The following MNS1 variants were observed in gnomAD, a reference collection of about 807,000 sequenced individuals.
MNS1 encodes meiosis specific nuclear structural 1, also known as meiosis-specific nuclear structural protein 1.
A neutral mutation model predicts 72.0 loss-of-function variants in MNS1; 63 were observed. The observed-to-expected ratio is 0.87, with a 90% CI of 0.71 to 1.08. The LOEUF (loss-of-function observed/expected upper bound fraction) is 1.08, where lower values mean the gene tolerates loss of function less well. Ranked by LOEUF, MNS1 falls within the 50% of genes least tolerant of loss-of-function variation. The pLI is 0.00. For missense variants in MNS1, 604 were observed against 562.4 expected, an observed-to-expected ratio of 1.07 and a Z score of -0.75; for synonymous variants, 188 against 172.1, an observed-to-expected ratio of 1.09 and a Z score of -0.72.
intron 4 of MNS1, among the ~76,000 whole-genome samples, chr15:56,445,009 C>T (rs1373835721): frequency 6.6e-6 from 1 of 151,986 alleles, no homozygotes; most frequent in Non-Finnish European, 1.5e-5. Flanking sequence ...TCTTATTATT[C>T]TATTTATAAA....
In MNS1 at chr15:56,456,535, T is replaced by A; in HGVS notation, c.226-14A>T. Reference sequence around the variant, plus strand: ...GTTTTCTTCTGCCTGAACGAAAAATTTAACTTCGTTGTTTGTCCTCTAGAA... The same window carrying A: ...GTTTTCTTCTGCCTGAACGAAAAATATAACTTCGTTGTTTGTCCTCTAGAA... On this transcript the variant is annotated splice_polypyrimidine_tract_variant and intron_variant, in intron 2 of 9. Transcript: ENST00000260453. 1 of 1,605,356 alleles carries A rather than the reference T, an allele frequency of 6.2e-7. No individual in the cohort carries two copies. The highest frequency in any genetic ancestry group is 1.3e-5 in the African/African-American group (1 of 74,342).
chr15:56,457,829 C>T (rs1229272121), intron 2 of MNS1, among the ~76,000 whole-genome samples: 1 of 149,726 alleles, frequency 6.7e-6, no homozygotes, highest in East Asian at 1.9e-4. Context: ...AAAAAAAAAG[C>T]CTCCATGCAA....
At chr15:56,460,819 AG>A (rs1357612747) in intron 2 of MNS1, among the ~76,000 whole-genome samples, 2 of 152,192 alleles carry the variant, frequency 1.3e-5, no homozygotes. Context: ...GGCTGATTCC[AG>A]GTGTAGGACA....
intron 3 of MNS1, among the ~76,000 whole-genome samples, chr15:56,448,027 G>A (rs905183193): frequency 2.6e-5 from 4 of 151,894 alleles, no homozygotes; most frequent in Admixed American, 1.3e-4. Context: ...ATATCCACTC[G>A]CATTGCTTAT....
chr15:56,439,184 C>G (rs549950411), intron 7 of MNS1, among the ~76,000 whole-genome samples: 1 of 152,064 alleles, frequency 6.6e-6, no homozygotes, highest in Non-Finnish European at 1.5e-5. Context: ...TTTACGATTG[C>G]TCAAAAAATG....
intron 3 of MNS1, among the ~76,000 whole-genome samples, chr15:56,455,191 T>C (rs1450568238): frequency 1.3e-5 from 2 of 150,908 alleles, no homozygotes; most frequent in African/African-American, 4.9e-5. Context: ...GAAAATCTCT[T>C]CTATTTAATT....
chr15:56,444,311 T>G (rs1013444155), intron 5 of MNS1, 133 bp downstream of exon 5: 7 of 685,850 alleles, frequency 1.0e-5, no homozygotes, highest in Non-Finnish European at 1.7e-5. Context: ...CCAATTTATG[T>G]TTTCATAGCT....
At chr15:56,435,214 T>C (rs2140332974) in intron 7 of MNS1, among the ~76,000 whole-genome samples, 1 of 152,086 alleles carries the variant, frequency 6.6e-6, no homozygotes, top group Non-Finnish European at 1.5e-5. Context: ...ACTAAATGCA[T>C]GTATGTAGGA....
intron 7 of MNS1, among the ~76,000 whole-genome samples, chr15:56,439,516 G>A (rs2140346146): frequency 6.6e-6 from 1 of 152,026 alleles, no homozygotes; most frequent in African/African-American, 2.4e-5. Context: ...TGGAGGGATG[G>A]ATACATAGAC....
intron 5 of MNS1, 84 bp downstream of exon 5, chr15:56,444,360 C>G (rs576538398): frequency 8.6e-6 from 10 of 1,166,160 alleles, no homozygotes; most frequent in Admixed American, 2.5e-5. Context: ...AGGCACTGTT[C>G]TAGGTGCTTC....
chr15:56,457,411 C>G (rs2050988351), intron 2 of MNS1, among the ~76,000 whole-genome samples: 2 of 152,116 alleles, frequency 1.3e-5, no homozygotes, highest in Non-Finnish European at 1.5e-5. Context: ...ATTGGAATGG[C>G]TAAAACAAAA....
At chr15:56,458,538 A>G (rs943786568) in intron 2 of MNS1, among the ~76,000 whole-genome samples, 3 of 150,322 alleles carry the variant, frequency 2.0e-5, no homozygotes, top group Non-Finnish European at 4.4e-5. Context: ...GGTTTTGGCA[A>G]TGCATAATCA....
chr15:56,460,009 A>ATAC (rs1555449667), intron 2 of MNS1, among the ~76,000 whole-genome samples: 50 of 26,386 alleles, frequency 1.9e-3, no homozygotes, highest in South Asian at 3.0e-3. Context: ...AAAAAAAAAA[A>ATAC]ATACATATAT....
intron 2 of MNS1, 44 bp from the exon 3 acceptor site, chr15:56,456,565 A>AT: frequency 1.3e-6 from 2 of 1,584,708 alleles, no homozygotes; most frequent in South Asian, 2.4e-5. Context: ...CTAGAATCAG[A>AT]TTTTTTTCAT....
At chr15:56,459,442 A>T (rs978496941) in intron 2 of MNS1, among the ~76,000 whole-genome samples, 1 of 152,146 alleles carries the variant, frequency 6.6e-6, no homozygotes, top group Non-Finnish European at 1.5e-5. Context: ...TTTTATGTAG[A>T]TATATGCCTT....
Position 56,460,009 on chromosome 15 carries a change from A to AAAAAAAATATATATATAT in MNS1, c.226-3489_226-3488insATATATATATATTTTTTT. 1.1e-4 allele frequency among the ~76,000 whole-genome samples: 3 copies of AAAAAAAATATATATATAT among 26,386 alleles called. 1 individual carries two copies. Among genetic ancestry groups the AAAAAAAATATATATATAT allele is most frequent in the Non-Finnish European group, 2.1e-4 (3 of 14,308 alleles). The allele number at this position is 26,386 out of a possible 152,430, so 17.3% of individuals were successfully genotyped here. ...CTGTCTCAAAAAAAAAAAAAAAAAA[A>AAAAAAAATATATATATAT]ATACATATATATATATATATATATA... On this transcript the variant is annotated intron_variant, in intron 2 of 9. Transcript: ENST00000260453.
chr15:56,445,129 C>A (rs1466624170), intron 4 of MNS1, among the ~76,000 whole-genome samples: 2 of 151,980 alleles, frequency 1.3e-5, no homozygotes, highest in Non-Finnish European at 2.9e-5. Context: ...TTGAGCAGCT[C>A]TTAAGTTTCT....
intron 3 of MNS1, 46 bp from the exon 4 acceptor site, chr15:56,446,989 G>T: frequency 7.5e-7 from 1 of 1,336,098 alleles, no homozygotes; most frequent in Non-Finnish European, 1.1e-6. Context: ...GACCATAAGA[G>T]AATGAAAACC....
At chr15:56,432,837 T>A (rs938386350) in intron 8 of MNS1, among the ~76,000 whole-genome samples, 1 of 152,208 alleles carries the variant, frequency 6.6e-6, no homozygotes, top group Admixed American at 6.5e-5. Context: ...TGCATTATTT[T>A]GACTCCTACT....
Sources: gnomAD v4.1 joint callset for allele counts (sites outside exome capture counted in the v4.1 genomes callset) on GRCh38, gnomAD v4.1.1 for gene constraint, MANE v1.5 for transcripts, NCBI Gene and HGNC (gene_info 2026-07-23, HGNC 2026-07-21) for gene names.